The following MOB3B variants were observed in gnomAD, a reference collection of about 807,000 sequenced individuals.
MOB3B encodes the protein MOB kinase activator 3B.
A neutral mutation model predicts 18.7 loss-of-function variants in MOB3B; 7 were observed. That is an observed-to-expected ratio of 0.37 (90% CI 0.21 to 0.70). The LOEUF (loss-of-function observed/expected upper bound fraction) is 0.70, where lower values mean the gene tolerates loss of function less well. MOB3B is among the 30% of genes least tolerant of loss of function. The pLI is 0.52. For synonymous variants in MOB3B, 111 were observed against 99.9 expected, an observed-to-expected ratio of 1.11 and a Z score of -0.66; for missense variants, 253 against 281.3, an observed-to-expected ratio of 0.90 and a Z score of 0.72.
At chr9:27,489,853 T>C (rs1325199995) in intron 1 of MOB3B, among the ~76,000 whole-genome samples, 1 of 151,432 alleles carries the variant, frequency 6.6e-6, no homozygotes, top group African/African-American at 2.4e-5. Flanking sequence ...CACAAATGTA[T>C]CTCTAAAACA....
intron 2 of MOB3B, among the ~76,000 whole-genome samples, chr9:27,430,928 G>GGA (rs1822408561): frequency 7.9e-6 from 1 of 127,370 alleles, no homozygotes; most frequent in Non-Finnish European, 1.7e-5. Context: ...GCCTGCTTGG[G>GGA]AAAAAAAAAA....
chr9:27,484,856 A>G (rs966728553), intron 1 of MOB3B, among the ~76,000 whole-genome samples: 1 of 152,146 alleles, frequency 6.6e-6, no homozygotes, highest in African/African-American at 2.4e-5. Context: ...CCAGCTAGTA[A>G]ACTACATCCA....
At chr9:27,431,829 G>T (rs539088675) in intron 2 of MOB3B, among the ~76,000 whole-genome samples, 1 of 152,244 alleles carries the variant, frequency 6.6e-6, no homozygotes, top group South Asian at 2.1e-4. Flanking sequence ...TTCAGAAAAG[G>T]TCAGTAAAGT....
chr9:27,392,729 T>G (rs767159217), intron 2 of MOB3B, among the ~76,000 whole-genome samples: 5 of 152,144 alleles, frequency 3.3e-5, no homozygotes, highest in African/African-American at 7.2e-5. Context: ...TTTGGAAAGA[T>G]AAAAAAGTCA....
chr9:27,466,329 G>C (rs188176915), intron 1 of MOB3B, among the ~76,000 whole-genome samples: 1 of 152,240 alleles, frequency 6.6e-6, no homozygotes, highest in African/African-American at 2.4e-5. Flanking sequence ...CTCCATCTGA[G>C]ACCACTTCAG....
intron 1 of MOB3B, among the ~76,000 whole-genome samples, chr9:27,488,556 C>T (rs1039235289): frequency 2.0e-5 from 3 of 152,060 alleles, no homozygotes; most frequent in South Asian, 2.1e-4. Flanking sequence ...TACAGGCAAG[C>T]GCCACCACAC....
Position 27,353,396 on chromosome 9 carries a change from T to C in MOB3B, c.621+5638A>G, listed in dbSNP as rs150218231. ...TCTGGGGTGAGGCCCAAGAATGTAC[T>C]TATGAAGTACTTCCTCCAGGAGATT... On this transcript the variant is annotated intron_variant, in intron 3 of 3. Coordinates refer to ENST00000262244, the MANE Select transcript of MOB3B (RefSeq NM_024761.5). 3.2e-3 allele frequency among the ~76,000 whole-genome samples: 485 copies of C among 152,272 alleles called. 2 individuals carry two copies. The highest frequency in any genetic ancestry group is 0.011 in the African/African-American group (470 of 41,540).
At chr9:27,457,085 G>A (rs998853475) in intron 1 of MOB3B, among the ~76,000 whole-genome samples, 3 of 152,180 alleles carry the variant, frequency 2.0e-5, no homozygotes, top group Non-Finnish European at 4.4e-5. Flanking sequence ...GCTAGCTGGA[G>A]CATGCTGTTA....
At position 27,411,278 on chromosome 9, in the gene MOB3B, T is replaced by C. The variant is rs975898964; in HGVS notation, c.418+43855A>G. ...CCTGGGGTTGGAGGGAAGGGTACTA[T>C]TGCAGAGGAGGACTCCAGCTCTCTC... is the stretch of plus-strand genomic sequence containing the variant. On this transcript the variant is annotated intron_variant, in intron 2 of 3. Transcript: ENST00000262244. 2.0e-5 allele frequency among the ~76,000 whole-genome samples: 3 copies of C among 152,186 alleles called. No individual in the cohort carries two copies. In the East Asian group the frequency reaches 5.8e-4, roughly 29 times the overall value.
chr9:27,327,763 T>G lies in MOB3B; in HGVS notation c.*2824A>C, dbSNP rs1454892394. On this transcript the variant is annotated 3_prime_UTR_variant, in exon 4 of 4. Transcript: ENST00000262244. Reference sequence around the variant, plus strand: ...TGGAGAATTTTGAATATGGATCATATATTAGATTTATGCAGTATCAGTGTT... The same window carrying G: ...TGGAGAATTTTGAATATGGATCATAGATTAGATTTATGCAGTATCAGTGTT... 6.6e-6 allele frequency: 1 copy of G among 152,220 alleles called. No individual in the cohort carries two copies. The highest frequency in any genetic ancestry group is 2.4e-5 in the African/African-American group (1 of 41,458). 9.4% of individuals were successfully genotyped at this position (152,220 alleles called of 1,614,324 possible). A position where few individuals can be genotyped will look rare whatever the true frequency, so the allele number is the denominator to read the frequency against.
At chr9:27,466,681 A>ATGG (rs1819388121) in intron 1 of MOB3B, among the ~76,000 whole-genome samples, 1 of 152,192 alleles carries the variant, frequency 6.6e-6, no homozygotes, top group Non-Finnish European at 1.5e-5. Context: ...CACTTCTTAT[A>ATGG]CGGCAGCAGC....
intron 1 of MOB3B, among the ~76,000 whole-genome samples, chr9:27,459,755 A>G (rs1377209829): frequency 6.6e-6 from 1 of 152,020 alleles, no homozygotes; most frequent in Non-Finnish European, 1.5e-5. Flanking sequence ...ATACCTTTTC[A>G]TAAATGCCAG....
Position 27,425,385 on chromosome 9 carries a change from A to AAC in MOB3B, c.418+29747_418+29748insGT, listed in dbSNP as rs1563865607. 1.6e-3 allele frequency among the ~76,000 whole-genome samples: 229 copies of AAC among 145,160 alleles called. 1 individual carries two copies. The highest frequency in any genetic ancestry group is 2.9e-3 in the African/African-American group (113 of 39,248). On this transcript the variant is annotated intron_variant, in intron 2 of 3. Coordinates refer to ENST00000262244, the MANE Select transcript of MOB3B (RefSeq NM_024761.5). ...AGCAAAACTGTCTCAAAAAAAAAAA[A>AAC]AAAACAAAACAACAACAACAAAAAA...
chr9:27,343,715 T>C (rs1820990922), intron 3 of MOB3B, among the ~76,000 whole-genome samples: 2 of 151,362 alleles, frequency 1.3e-5, no homozygotes, highest in South Asian at 4.2e-4. Context: ...TTTTTTTTTT[T>C]TTTTAGCAGT....
At chr9:27,418,708 CAA>C (rs1822194262) in intron 2 of MOB3B, among the ~76,000 whole-genome samples, 1 of 152,148 alleles carries the variant, frequency 6.6e-6, no homozygotes, top group Non-Finnish European at 1.5e-5. Flanking sequence ...CCATCTATGA[CAA>C]ATCCACAGCC....
Position 27,529,654 on chromosome 9 carries a change from G to C in MOB3B, c.-298C>G, listed in dbSNP as rs1321534251. On this transcript the variant is annotated 5_prime_UTR_variant, in exon 1 of 4. Coordinates refer to ENST00000262244, the MANE Select transcript of MOB3B (RefSeq NM_024761.5). ...ATGGTGAGCTCGGGGCAGGTGGGGC[G>C]TCGCTTGCCAATCCACGCAAGGGAC... 1.0e-6 allele frequency: 1 copy of C among 985,362 alleles called. No homozygotes were observed. Among genetic ancestry groups the C allele is most frequent in the African/African-American group, 1.7e-5 (1 of 57,238 alleles). 61.0% of individuals were successfully genotyped at this position (985,362 alleles called of 1,614,324 possible). A position where few individuals can be genotyped will look rare whatever the true frequency, so the allele number is the denominator to read the frequency against.
At chr9:27,373,654 A>G (rs1204671636) in intron 2 of MOB3B, among the ~76,000 whole-genome samples, 1 of 152,238 alleles carries the variant, frequency 6.6e-6, no homozygotes, top group Non-Finnish European at 1.5e-5. Flanking sequence ...AAAATACATA[A>G]AAGTTTTTTG....
At chr9:27,368,492 C>T (rs924274094) in intron 2 of MOB3B, among the ~76,000 whole-genome samples, 12 of 152,078 alleles carry the variant, frequency 7.9e-5, no homozygotes, top group African/African-American at 2.4e-4. Context: ...TATCTCAGTA[C>T]GTTCCTCAAG....
intron 1 of MOB3B, among the ~76,000 whole-genome samples, chr9:27,481,822 G>A (rs899135495): frequency 1.3e-5 from 2 of 152,176 alleles, no homozygotes; most frequent in Middle Eastern, 3.2e-3. Context: ...ACCGCGCCCA[G>A]CCTAAGGAAG....
Sources: allele counts gnomAD v4.1 joint callset (sites outside exome capture counted in the v4.1 genomes callset), GRCh38; gene constraint gnomAD v4.1.1; transcripts MANE v1.5; gene names NCBI Gene and HGNC (gene_info 2026-07-23, HGNC 2026-07-21).